Variants in PSMD11 observed in about 807,000 individuals in gnomAD.
The protein encoded by PSMD11 is proteasome 26S subunit, non-ATPase 11.
Under a neutral mutation model 62.3 loss-of-function variants are expected in PSMD11, and 5 were observed. The observed-to-expected ratio is 0.08, with a 90% CI of 0.04 to 0.17. The LOEUF (loss-of-function observed/expected upper bound fraction) is 0.17. PSMD11 is among the 10% of genes least tolerant of loss of function. The pLI is 1.00. For synonymous variants in PSMD11, 191 were observed against 191.8 expected (o/e 1.00, Z 0.03); for missense variants, 310 against 512.9 (o/e 0.60, Z 3.82).
intron 3 of PSMD11, chr17:32,463,343 TTTC>T (rs1421985301): frequency 6.6e-6 from 1 of 152,090 alleles, no homozygotes; most frequent in Non-Finnish European, 1.5e-5. Flanking sequence ...CTAATTCTAA[TTTC>T]TTTTTTTTTT....
intron 10 of PSMD11, 140 bp from the exon 11 acceptor site, chr17:32,479,711 A>G (rs1908433969): frequency 1.0e-6 from 1 of 987,378 alleles, no homozygotes; most frequent in African/African-American, 1.6e-5. Context: ...GGCAGAGAAC[A>G]AGAGACTTAA....
At chr17:32,479,100 T>G in intron 9 of PSMD11, 151 bp from the exon 10 acceptor site, 1 of 1,079,032 alleles carries the variant, frequency 9.3e-7, no homozygotes, top group South Asian at 1.7e-5. Context: ...GACATTCCTT[T>G]TCTGCTTTGT....
chr17:32,449,522 ACT>A (rs1322425152), intron 2 of PSMD11, among the ~76,000 whole-genome samples: 1 of 152,174 alleles, frequency 6.6e-6, no homozygotes, highest in Non-Finnish European at 1.5e-5. Context: ...CAAAAATGTT[ACT>A]GTTTTGCTTG....
chr17:32,460,540 C>T (rs1277881256), intron 3 of PSMD11, among the ~76,000 whole-genome samples: 3 of 151,978 alleles, frequency 2.0e-5, no homozygotes, highest in African/African-American at 4.8e-5. Flanking sequence ...TTTGGGAGGC[C>T]GAGTGGGCGG....
At chr17:32,475,459 G>GTA (rs1908289856) in intron 8 of PSMD11, among the ~76,000 whole-genome samples, 1 of 151,892 alleles carries the variant, frequency 6.6e-6, no homozygotes, top group Non-Finnish European at 1.5e-5. Flanking sequence ...ATTATCACTA[G>GTA]TAAAGTAAGT....
intron 12 of PSMD11, 95 bp downstream of exon 12, chr17:32,480,292 G>C (rs567068026): frequency 1.3e-6 from 2 of 1,533,246 alleles, no homozygotes; most frequent in African/African-American, 1.4e-5. Context: ...TGTTTCCCCC[G>C]ATGGTTCACC....
At position 32,482,172 on chromosome 17, in the gene PSMD11, G is replaced by C. The variant is rs1359911894; in HGVS notation, c.*1420G>C. The C allele has an allele frequency of 6.6e-6, 1 of 151,684 alleles. No homozygotes were observed. Among genetic ancestry groups the C allele is most frequent in the Admixed American group, 6.6e-5 (1 of 15,232 alleles). The allele number at this position is 151,684 out of a possible 1,614,324, so 9.4% of individuals were successfully genotyped here. ...TTGTAAAAGGATTTTGTTGTACCAGGTTTTGCATCCTCACTGAATCTGACT... is the reference window on the plus strand; with the variant it reads ...TTGTAAAAGGATTTTGTTGTACCAGCTTTTGCATCCTCACTGAATCTGACT... On this transcript the variant is annotated 3_prime_UTR_variant, in exon 14 of 14. Coordinates refer to ENST00000261712, the MANE Select transcript of PSMD11 (RefSeq NM_002815.4).
Position 32,482,101 on chromosome 17 carries a change from A to T in PSMD11, c.*1349A>T, listed in dbSNP as rs954346161. 1.3e-5 allele frequency: 2 copies of T among 149,558 alleles called. No homozygotes were observed. Among genetic ancestry groups the T allele is most frequent in the East Asian group, 2.0e-4 (1 of 5,086 alleles). The allele number at this position is 149,558 out of a possible 1,614,324, so 9.3% of individuals were successfully genotyped here. On this transcript the variant is annotated 3_prime_UTR_variant, in exon 14 of 14. Transcript: ENST00000261712. ...TGCTGGCCTCCTTTTCTCTTTCTTT[A>T]CCTTCCTTGGATTATCCTTCCAGGT...
chr17:32,459,362 G>A (rs1907756494), intron 3 of PSMD11, among the ~76,000 whole-genome samples: 1 of 151,530 alleles, frequency 6.6e-6, no homozygotes, highest in South Asian at 2.1e-4. Flanking sequence ...GGGAGTACAG[G>A]TACACACCAC....
At position 32,446,950 on chromosome 17, in the gene PSMD11, C is replaced by A. The variant is rs1567850599; in HGVS notation, c.97C>A (p.Arg33Ser). 7 of 1,607,900 alleles carry A rather than the reference C, an allele frequency of 4.4e-6. No individual in the cohort carries two copies. Among genetic ancestry groups the A allele is most frequent in the Non-Finnish European group, 5.1e-6 (6 of 1,176,686 alleles). ...SIDILHSIVK[R>S]DIQENDEEAV... Reference sequence around the variant, plus strand: ...TTTGCATTTTCCTCTCCCAGTGAAGCGTGACATTCAGGAAAACGATGAAGA... The same window carrying A: ...TTTGCATTTTCCTCTCCCAGTGAAGAGTGACATTCAGGAAAACGATGAAGA... Residue 33 changes from arginine to serine, a missense_variant, in exon 2 of 14, where the codon CGT becomes AGT. Transcript: ENST00000261712.
At chr17:32,470,655 T>C (rs2150837241) in intron 6 of PSMD11, among the ~76,000 whole-genome samples, 1 of 152,390 alleles carries the variant, frequency 6.6e-6, no homozygotes, top group East Asian at 1.9e-4. Flanking sequence ...TGGCCCCTGT[T>C]AACTAATGTG....
chr17:32,459,166 T>G (rs1907748289), intron 3 of PSMD11, among the ~76,000 whole-genome samples: 1 of 146,548 alleles, frequency 6.8e-6, no homozygotes, highest in Admixed American at 6.8e-5. Context: ...TTATATACTC[T>G]TAAGTTGTAT....
Position 32,475,527 on chromosome 17 carries a change from A to G in PSMD11, c.849+703A>G, listed in dbSNP as rs1030786696. The stretch of plus-strand genomic sequence containing the variant: ...CTAAACACAGACTGATTGGCTGTCT[A>G]TATAATCTCACTGTATCTCTGGAGG... On this transcript the variant is annotated intron_variant, in intron 8 of 13. Transcript: ENST00000261712. Among the ~76,000 whole-genome samples the G allele has an allele frequency of 1.6e-4, 25 of 151,622 alleles. 1 individual carries two copies. Among genetic ancestry groups the G allele is most frequent in the African/African-American group, 5.8e-4 (24 of 41,270 alleles).
Position 32,446,864 on chromosome 17 carries a change from T to C in PSMD11, c.92-81T>C, listed in dbSNP as rs1907347736. 4 of 839,578 alleles carry C rather than the reference T, an allele frequency of 4.8e-6. No homozygotes were observed. In the South Asian group the frequency reaches 6.9e-5, roughly 15 times the overall value. The allele number at this position is 839,578 out of a possible 1,614,324, so 52.0% of individuals were successfully genotyped here. A position where few individuals can be genotyped will look rare whatever the true frequency, so the allele number is the denominator to read the frequency against. ...TTGGTAAATATGTTTGAGTTTGTAA[T>C]GGATCTTATGAGGGTGAAATTTCCC... On this transcript the variant is annotated intron_variant, in intron 1 of 13. Coordinates refer to ENST00000261712, the MANE Select transcript of PSMD11 (RefSeq NM_002815.4).
chr17:32,481,107 C>A lies in PSMD11; in HGVS notation c.*355C>A, dbSNP rs1478868116. On this transcript the variant is annotated 3_prime_UTR_variant, in exon 14 of 14. Coordinates refer to ENST00000261712, the MANE Select transcript of PSMD11 (RefSeq NM_002815.4). ...ACCACTGGGGGTCCTAATCCACCTG[C>A]TGGGCATCACCTCTCCTCCTCCTCA... 6.4e-6 allele frequency: 1 copy of A among 155,568 alleles called. No homozygotes were observed. The highest frequency in any genetic ancestry group is 1.4e-5 in the Non-Finnish European group (1 of 70,382). The allele number at this position is 155,568 out of a possible 1,614,324, so 9.6% of individuals were successfully genotyped here. A position where few individuals can be genotyped will look rare whatever the true frequency, so the allele number is the denominator to read the frequency against.
chr17:32,468,226 T>G (rs2150836234), intron 5 of PSMD11, among the ~76,000 whole-genome samples: 1 of 152,338 alleles, frequency 6.6e-6, no homozygotes, highest in Admixed American at 6.5e-5. Context: ...TATTTTTTAT[T>G]CTGTATACAA....
chr17:32,463,460 T>C (rs1292958611), intron 3 of PSMD11: 3 of 152,482 alleles, frequency 2.0e-5, no homozygotes, highest in African/African-American at 7.2e-5. Flanking sequence ...CAATCGAGAT[T>C]ACTCATTACC....
rs1908476087 is a variant in PSMD11 at position 32,481,084 on chromosome 17, C to T, written c.*332C>T. 6.4e-6 allele frequency: 1 copy of T among 155,936 alleles called. No individual in the cohort carries two copies. Among genetic ancestry groups the T allele is most frequent in the Non-Finnish European group, 1.4e-5 (1 of 70,546 alleles). The allele number at this position is 155,936 out of a possible 1,614,324, so 9.7% of individuals were successfully genotyped here. ...CCGCAAAGCCAGGCACCCCGCCAACCACTGGGGGTCCTAATCCACCTGCTG... is the reference window on the plus strand; with the variant it reads ...CCGCAAAGCCAGGCACCCCGCCAACTACTGGGGGTCCTAATCCACCTGCTG... On this transcript the variant is annotated 3_prime_UTR_variant, in exon 14 of 14. Transcript: ENST00000261712.
At chr17:32,473,271 C>T (rs1908224200) in intron 6 of PSMD11, among the ~76,000 whole-genome samples, 1 of 151,374 alleles carries the variant, frequency 6.6e-6, no homozygotes, top group Admixed American at 6.6e-5. Context: ...GGAGTGAACC[C>T]CTGCACCTGG....
Sources: gnomAD v4.1 joint callset for allele counts (sites outside exome capture counted in the v4.1 genomes callset) on GRCh38, gnomAD v4.1.1 for gene constraint, MANE v1.5 for transcripts, NCBI Gene and HGNC (gene_info 2026-07-23, HGNC 2026-07-21) for gene names.